Variants in PLCB4 observed in about 807,000 individuals in gnomAD.
PLCB4 encodes the protein phospholipase C beta 4.
PLCB4 carries 77 observed loss-of-function variants against 178.8 expected under a neutral mutation model. The observed-to-expected ratio is 0.43, with a 90% CI of 0.36 to 0.52. The LOEUF is 0.52. Ranked by LOEUF, PLCB4 falls within the 20% of genes least tolerant of loss-of-function variation. PLCB4 has a pLI of 0.00. For missense variants in PLCB4, 1,024 were observed against 1,453.4 expected (o/e 0.70, Z 4.80); for synonymous variants, 496 against 490.8 (o/e 1.01, Z -0.14).
chr20:9,373,075 G>A lies in PLCB4; in HGVS notation c.715G>A (p.Val239Ile). Residue 239 changes from valine (V) to isoleucine (I), a missense_variant, in exon 12 of 40, where the codon GTA becomes ATA. Val to Ile is a conservative substitution (Grantham distance 29). Coordinates refer to ENST00000378473, the MANE Select transcript of PLCB4 (RefSeq NM_001377142.1). The part of the protein sequence containing the change: ...INGDKTDYLT[V>I]DQLVSFLNEH... Reference sequence around the variant, plus strand: ...TGGAGACAAAACTGATTATTTAACGGTAGACCAATTAGTGAGCTTTCTAAA... The same window carrying A: ...TGGAGACAAAACTGATTATTTAACGATAGACCAATTAGTGAGCTTTCTAAA... The A allele has an allele frequency of 6.5e-7, 1 of 1,541,228 alleles. No individual in the cohort carries two copies. Among genetic ancestry groups the A allele is most frequent in the Non-Finnish European group, 9.0e-7 (1 of 1,115,700 alleles).
intron 2 of PLCB4, among the ~76,000 whole-genome samples, chr20:9,157,980 C>T (rs2092818667): frequency 1.3e-5 from 2 of 152,126 alleles, no homozygotes; most frequent in African/African-American, 4.8e-5. Flanking sequence ...TGTCAGCTAG[C>T]CTTTCGGCCC....
intron 2 of PLCB4, among the ~76,000 whole-genome samples, chr20:9,156,403 G>A (rs1186967147): frequency 6.6e-6 from 1 of 152,162 alleles, no homozygotes; most frequent in Non-Finnish European, 1.5e-5. Flanking sequence ...CTGAGATGAT[G>A]GAATTGAGGC....
intron 4 of PLCB4, among the ~76,000 whole-genome samples, chr20:9,325,092 G>T (rs2030235321): frequency 1.3e-5 from 2 of 152,176 alleles, no homozygotes; most frequent in African/African-American, 4.8e-5. Context: ...TTATTATGCT[G>T]GAACTAATTG....
chr20:9,208,635 G>A (rs2093640023), intron 2 of PLCB4, among the ~76,000 whole-genome samples: 1 of 151,932 alleles, frequency 6.6e-6, no homozygotes, highest in Admixed American at 6.6e-5. Context: ...GACTTCCTCG[G>A]TTCAAGTAAT....
At chr20:9,446,540 T>C (rs534297006) in intron 32 of PLCB4, among the ~76,000 whole-genome samples, 20 of 152,248 alleles carry the variant, frequency 1.3e-4, no homozygotes, top group Middle Eastern at 6.8e-3. Flanking sequence ...AAGAATATAA[T>C]GAATATTTAC....
At chr20:9,466,294 T>C (rs2043777033) in intron 35 of PLCB4, among the ~76,000 whole-genome samples, 1 of 152,152 alleles carries the variant, frequency 6.6e-6, no homozygotes, top group Admixed American at 6.5e-5. Flanking sequence ...TCAAGATGGA[T>C]TAAAGACTTA....
chr20:9,412,993 C>G (rs1174124521), intron 25 of PLCB4, among the ~76,000 whole-genome samples: 1 of 152,230 alleles, frequency 6.6e-6, no homozygotes, highest in East Asian at 1.9e-4. Context: ...ACTTCAGGAA[C>G]TGCACATTTC....
At chr20:9,195,154 GGT>G (rs1013161181) in intron 2 of PLCB4, among the ~76,000 whole-genome samples, 1 of 152,150 alleles carries the variant, frequency 6.6e-6, no homozygotes, top group Non-Finnish European at 1.5e-5. Flanking sequence ...TCAACTTCCT[GGT>G]TTTTCGCAAA....
chr20:9,387,314 C>T, intron 14 of PLCB4, 149 bp from the exon 15 acceptor site: 1 of 510,642 alleles, frequency 2.0e-6, no homozygotes, highest in Non-Finnish European at 3.5e-6. Context: ...GTGGTTTTAA[C>T]CTGTATATGC....
Position 9,459,749 on chromosome 20 carries a change from A to C in PLCB4, c.3187A>C (p.Lys1063Gln), listed in dbSNP as rs202045972. The stretch of plus-strand genomic sequence containing the variant: ...CCTCAGCCAGCAGTGTGAGCTGCTG[A>C]AAAAGCTACTCATCAATGCCCACGA... ...LHLSQQCELL[K>Q]KLLINAHEQQ... The change falls in exon 35 of 40, where the codon AAA becomes CAA. Residue 1063 changes from lysine to glutamine, a missense_variant. Transcript: ENST00000378473. 8.2e-5 allele frequency: 132 copies of C among 1,612,732 alleles called. No individual in the cohort carries two copies. In the African/African-American group the frequency reaches 1.7e-3, roughly 21 times the overall value.
At position 9,462,163 on chromosome 20, in the gene PLCB4, G is replaced by C. The variant is rs1012052163; in HGVS notation, c.3248+2353G>C. The stretch of plus-strand genomic sequence containing the variant: ...TCCAGCAAACTCCAACAGACCTGCA[G>C]CTGAGGGACCTGACTAGTAGAAGGA... On this transcript the variant is annotated intron_variant, in intron 35 of 39. Coordinates refer to ENST00000378473, the MANE Select transcript of PLCB4 (RefSeq NM_001377142.1). Among the ~76,000 whole-genome samples the C allele has an allele frequency of 2.0e-5, 3 of 152,194 alleles. No individual in the cohort carries two copies. In the South Asian group the frequency reaches 6.2e-4, roughly 31 times the overall value.
intron 3 of PLCB4, among the ~76,000 whole-genome samples, chr20:9,269,135 A>G: frequency 6.6e-6 from 1 of 152,342 alleles, no homozygotes; most frequent in Non-Finnish European, 1.5e-5. Flanking sequence ...AAACAAGTCT[A>G]CAGCACTTAT....
intron 24 of PLCB4, 126 bp from the exon 25 acceptor site, chr20:9,410,911 C>T (rs572447371): frequency 1.5e-5 from 10 of 663,538 alleles, no homozygotes; most frequent in Non-Finnish European, 2.7e-5. Context: ...CCAAGCAGAA[C>T]CTTGTAGTAT....
At chr20:9,429,885 C>T (rs1350051109) in intron 28 of PLCB4, among the ~76,000 whole-genome samples, 1 of 152,172 alleles carries the variant, frequency 6.6e-6, no homozygotes, top group African/African-American at 2.4e-5. Flanking sequence ...TGCCATTCTT[C>T]TGCATTGTTC....
At chr20:9,401,612 T>TCA (rs761020843) in intron 20 of PLCB4, 22 bp downstream of exon 20, 2 of 1,489,924 alleles carry the variant, frequency 1.3e-6, no homozygotes, top group Non-Finnish European at 1.9e-6. Context: ...CTTTCTTTCA[T>TCA]CACTCTCAAG....
intron 10 of PLCB4, 73 bp from the exon 11 acceptor site, chr20:9,372,230 A>C: frequency 1.2e-6 from 1 of 838,318 alleles, no homozygotes. Context: ...ACTGTGCTTC[A>C]TGACCCTGTA....
chr20:9,104,227 AT>A (rs2091281610), intron 2 of PLCB4, among the ~76,000 whole-genome samples: 1 of 152,172 alleles, frequency 6.6e-6, no homozygotes, highest in Admixed American at 6.5e-5. Context: ...CGTCATCACC[AT>A]GTGGGCTCTC....
intron 18 of PLCB4, among the ~76,000 whole-genome samples, chr20:9,394,936 G>A (rs1476133253): frequency 2.6e-5 from 4 of 151,986 alleles, no homozygotes; most frequent in Non-Finnish European, 4.4e-5. Flanking sequence ...TTTTATTTGT[G>A]TGTCTTCAAT....
At chr20:9,257,286 A>G (rs181854193) in intron 3 of PLCB4, among the ~76,000 whole-genome samples, 1 of 152,308 alleles carries the variant, frequency 6.6e-6, no homozygotes, top group Admixed American at 6.5e-5. Context: ...TTTTTGCTTT[A>G]GTAGAATGTC....
Sources: allele counts gnomAD v4.1 joint callset (sites outside exome capture counted in the v4.1 genomes callset), GRCh38; gene constraint gnomAD v4.1.1; transcripts MANE v1.5; gene names NCBI Gene and HGNC (gene_info 2026-07-23, HGNC 2026-07-21).